GPM6A: variants seen among roughly 807,000 people sequenced by gnomAD.
GPM6A encodes the protein neuronal membrane glycoprotein M6-a.
GPM6A carries 7 observed loss-of-function variants against 32.1 expected under a neutral mutation model. The observed-to-expected ratio is 0.22, with a 90% CI of 0.12 to 0.41. GPM6A has a LOEUF of 0.41. GPM6A is among the 10% of genes least tolerant of loss of function. The probability of loss-of-function intolerance (pLI) is 1.00; values close to 1 mark genes in which losing one functional copy is unlikely to be tolerated. For missense variants in GPM6A, 235 were observed against 347.2 expected (o/e 0.68, Z 2.57); for synonymous variants, 130 against 123.4 (o/e 1.05, Z -0.35).
chr4:175,860,169 C>G (rs1053903710), intron 1 of GPM6A, among the ~76,000 whole-genome samples: 1 of 151,058 alleles, frequency 6.6e-6, no homozygotes, highest in Non-Finnish European at 1.5e-5. Context: ...AAGCCCAACA[C>G]AAGCAGAAGT....
chr4:175,954,561 C>T (rs1183337262), intron 1 of GPM6A, among the ~76,000 whole-genome samples: 1 of 152,088 alleles, frequency 6.6e-6, no homozygotes, highest in Non-Finnish European at 1.5e-5. Context: ...ATTTTTCCAC[C>T]CGAAGAGTCA....
intron 1 of GPM6A, among the ~76,000 whole-genome samples, chr4:175,895,488 A>G (rs1369512213): frequency 3.3e-5 from 5 of 152,222 alleles, no homozygotes; most frequent in Admixed American, 1.3e-4. Context: ...AAAGTGTTAC[A>G]TGTTCTTTGC....
intron 1 of GPM6A, among the ~76,000 whole-genome samples, chr4:175,856,332 CT>C (rs924094078): frequency 6.6e-6 from 1 of 152,190 alleles, no homozygotes; most frequent in Non-Finnish European, 1.5e-5. Flanking sequence ...TACTCAGCCC[CT>C]GGCTCATTTG....
At chr4:175,760,374 A>G (rs1732691930) in intron 1 of GPM6A, among the ~76,000 whole-genome samples, 1 of 152,110 alleles carries the variant, frequency 6.6e-6, no homozygotes, top group South Asian at 2.1e-4. Context: ...TATAAGATGT[A>G]TAAGAAGCAG....
intron 1 of GPM6A, among the ~76,000 whole-genome samples, chr4:175,755,720 A>G (rs1732498742): frequency 6.6e-6 from 1 of 152,192 alleles, no homozygotes; most frequent in Non-Finnish European, 1.5e-5. Context: ...TAGCATTCAC[A>G]CACAACCTGT....
chr4:175,831,247 T>C (rs1400842762), intron 1 of GPM6A, among the ~76,000 whole-genome samples: 2 of 152,212 alleles, frequency 1.3e-5, no homozygotes, highest in African/African-American at 2.4e-5. Flanking sequence ...TAATAGATTA[T>C]ATACTTTAGC....
chr4:175,705,437 T>C (rs977940507), intron 1 of GPM6A, among the ~76,000 whole-genome samples: 1 of 152,184 alleles, frequency 6.6e-6, no homozygotes, highest in Non-Finnish European at 1.5e-5. Context: ...TTCGCACTTG[T>C]AACGGGCTAG....
At chr4:175,788,035 C>T (rs564261016) in intron 1 of GPM6A, 1 of 152,344 alleles carries the variant, frequency 6.6e-6, no homozygotes, top group East Asian at 1.9e-4. Context: ...CTACACTCTT[C>T]TCATCCTTTA....
At chr4:175,977,215 AT>A (rs1000062271) in intron 1 of GPM6A, among the ~76,000 whole-genome samples, 1 of 152,198 alleles carries the variant, frequency 6.6e-6, no homozygotes, top group African/African-American at 2.4e-5. Context: ...AGCCAGACTG[AT>A]TTTTTATGTC....
chr4:175,777,462 C>T (rs1733441072), intron 1 of GPM6A, among the ~76,000 whole-genome samples: 1 of 151,884 alleles, frequency 6.6e-6, no homozygotes, highest in Non-Finnish European at 1.5e-5. Flanking sequence ...TTATACTAAA[C>T]ATGCAGTTAT....
Position 175,634,389 on chromosome 4 carries a change from T to C in GPM6A, c.*516A>G, listed in dbSNP as rs1301531427. The C allele has an allele frequency of 6.5e-6, 1 of 152,672 alleles. No homozygotes were observed. Among genetic ancestry groups the C allele is most frequent in the Non-Finnish European group, 1.5e-5 (1 of 68,102 alleles). 9.5% of individuals were successfully genotyped at this position (152,672 alleles called of 1,614,324 possible). On this transcript the variant is annotated 3_prime_UTR_variant, in exon 7 of 7. Coordinates refer to ENST00000393658, the MANE Select transcript of GPM6A (RefSeq NM_201591.3). ...CCAGGGCCTACAGTAATATGGCCACTGATCTTCAGACAAAATTTCCATATT... is the reference window on the plus strand; with the variant it reads ...CCAGGGCCTACAGTAATATGGCCACCGATCTTCAGACAAAATTTCCATATT...
intron 1 of GPM6A, among the ~76,000 whole-genome samples, chr4:175,885,048 T>C (rs564069985): frequency 2.9e-4 from 44 of 152,262 alleles, no homozygotes; most frequent in Middle Eastern, 3.4e-3. Context: ...TAGGAAGATA[T>C]CTTTCAGAAT....
chr4:175,811,626 C>T (rs527846002), intron 1 of GPM6A, among the ~76,000 whole-genome samples: 13 of 152,250 alleles, frequency 8.5e-5, no homozygotes, highest in Middle Eastern at 3.4e-3. Flanking sequence ...AAAATCTTAA[C>T]GCTTCCATAC....
At chr4:175,914,005 G>C (rs900916160) in intron 1 of GPM6A, among the ~76,000 whole-genome samples, 3 of 152,124 alleles carry the variant, frequency 2.0e-5, no homozygotes, top group African/African-American at 7.2e-5. Flanking sequence ...GGATTATTTT[G>C]CCAAGGTTGA....
chr4:175,941,376 T>C (rs948929874), intron 1 of GPM6A, among the ~76,000 whole-genome samples: 2 of 152,172 alleles, frequency 1.3e-5, no homozygotes, highest in Non-Finnish European at 2.9e-5. Flanking sequence ...CAATCCACTT[T>C]AGAAGCTTAT....
intron 5 of GPM6A, among the ~76,000 whole-genome samples, chr4:175,640,481 C>A (rs1403125475): frequency 6.6e-6 from 1 of 152,054 alleles, no homozygotes; most frequent in Non-Finnish European, 1.5e-5. Context: ...GAGGGCTATG[C>A]TCTCTTTAAA....
chr4:175,932,117 A>G (rs1035274319), intron 1 of GPM6A, among the ~76,000 whole-genome samples: 2 of 151,884 alleles, frequency 1.3e-5, no homozygotes, highest in African/African-American at 4.8e-5. Context: ...AAAAAAAGAA[A>G]AAAAAAGGAA....
intron 1 of GPM6A, among the ~76,000 whole-genome samples, chr4:175,995,633 T>C (rs1741285954): frequency 6.6e-6 from 1 of 152,142 alleles, no homozygotes; most frequent in African/African-American, 2.4e-5. Flanking sequence ...CCAAGCCTTC[T>C]GAATCTGAGT....
intron 1 of GPM6A, among the ~76,000 whole-genome samples, chr4:175,802,128 A>T (rs554482983): frequency 3.6e-4 from 55 of 152,232 alleles, no homozygotes; most frequent in African/African-American, 1.2e-3. Context: ...GTGTTGCAAA[A>T]AAAAGTTACT....
Sources: allele counts gnomAD v4.1 joint callset (sites outside exome capture counted in the v4.1 genomes callset), GRCh38; gene constraint gnomAD v4.1.1; transcripts MANE v1.5; gene names NCBI Gene and HGNC (gene_info 2026-07-23, HGNC 2026-07-21).